Variants in FGR observed in about 807,000 individuals in gnomAD.
The protein encoded by FGR is tyrosine-protein kinase Fgr.
In FGR, 26 loss-of-function variants were observed where a neutral mutation model predicts 63.2. That is an observed-to-expected ratio of 0.41 (90% CI 0.30 to 0.57). The LOEUF (loss-of-function observed/expected upper bound fraction) is 0.57, where lower values mean the gene tolerates loss of function less well. Among genes scored for constraint, FGR ranks in the 20% least tolerant of loss-of-function variants. The pLI, the probability that FGR is intolerant of heterozygous loss-of-function variation, is 0.27. For missense variants in FGR, 511 were observed against 690.8 expected, an observed-to-expected ratio of 0.74 and a Z score of 2.92; for synonymous variants, 286 against 277.7, an observed-to-expected ratio of 1.03 and a Z score of -0.30.
At chr1:27,630,016 C>G (rs1334600524) in intron 1 of FGR, among the ~76,000 whole-genome samples, 1 of 152,158 alleles carries the variant, frequency 6.6e-6, no homozygotes, top group East Asian at 1.9e-4. Context: ...TGTGGCCCAA[C>G]ACATATTAGT....
At position 27,614,940 on chromosome 1, in the gene FGR, A is replaced by G. The variant is rs2089774989; in HGVS notation, c.1019-14T>C. On this transcript the variant is annotated splice_polypyrimidine_tract_variant and intron_variant, in intron 9 of 12. Coordinates refer to ENST00000374005, the MANE Select transcript of FGR (RefSeq NM_005248.3). The stretch of plus-strand genomic sequence containing the variant: ...CCAGCAAGCTGCCTGGGAAGAAGCC[A>G]GAAAGTCAGCGGCAAAGCCCTACCC... The G allele has an allele frequency of 6.3e-7, 1 of 1,589,780 alleles. No homozygotes were observed.
In FGR at chr1:27,617,110, C is replaced by T; in HGVS notation, c.532+83G>A. 1 of 1,599,668 alleles carries T rather than the reference C, an allele frequency of 6.3e-7. No individual in the cohort carries two copies. The highest frequency in any genetic ancestry group is 8.6e-7 in the Non-Finnish European group (1 of 1,168,988). The stretch of plus-strand genomic sequence containing the variant: ...CCTAGGACCTGGTCCCAGTCTTGGC[C>T]TTAACCCAAGCAGCCTACCGCTCCT... On this transcript the variant is annotated intron_variant, in intron 6 of 12. Transcript: ENST00000374005. This position sits in a 1 kb window ranked among gnomAD's most constrained non-coding sequence, Gnocchi z 4.5.
chr1:27,632,897 G>A (rs2090126410), intron 1 of FGR, among the ~76,000 whole-genome samples: 3 of 152,090 alleles, frequency 2.0e-5, no homozygotes, highest in Admixed American at 2.0e-4. Context: ...AGTCTGCTCT[G>A]CGTGGGAAGA....
chr1:27,629,383 A>G (rs1030126698), intron 1 of FGR, among the ~76,000 whole-genome samples: 7 of 152,302 alleles, frequency 4.6e-5, no homozygotes, highest in African/African-American at 1.7e-4. Flanking sequence ...TGGCTCCAGC[A>G]CACACTGCCA....
At chr1:27,629,836 C>G (rs1461126389) in intron 1 of FGR, among the ~76,000 whole-genome samples, 1 of 152,184 alleles carries the variant, frequency 6.6e-6, no homozygotes, top group African/African-American at 2.4e-5. Flanking sequence ...TGTTAAGTAA[C>G]TTGCCCAAGA....
At chr1:27,626,236 CAG>C in intron 1 of FGR, 1 of 398,698 alleles carries the variant, frequency 2.5e-6, no homozygotes. Flanking sequence ...TTGCAACACT[CAG>C]AGAGGAACCG....
chr1:27,623,947 C>A lies in FGR; in HGVS notation c.-13-18G>T. 1.3e-6 allele frequency: 2 copies of A among 1,553,902 alleles called. No homozygotes were observed. The highest frequency in any genetic ancestry group is 1.7e-6 in the Non-Finnish European group (2 of 1,146,724). ...GTTCCCTGCTACAGAATGGGGCATG[C>A]CTCACTCAAGGACCCCTGCCAGGTG... On this transcript the variant is annotated intron_variant, in intron 2 of 12. Transcript: ENST00000374005.
chr1:27,623,699 C>T lies in FGR; in HGVS notation c.218G>A (p.Gly73Asp), dbSNP rs772979438. The change falls in exon 3 of 13, where the codon GGT becomes GAT. Residue 73 changes from glycine (G) to aspartate (D), a missense_variant. By Grantham distance (94) the Gly-to-Asp change is moderately conservative. Coordinates refer to ENST00000374005, the MANE Select transcript of FGR (RefSeq NM_005248.3). Reference sequence around the variant, plus strand: ...CGACCCCTTGGACTCACCTGACACACCCCTGATGGTGCCACTATCAAGGAA... The same window carrying T: ...CGACCCCTTGGACTCACCTGACACATCCCTGATGGTGCCACTATCAAGGAA... ...PGFLDSGTIR[G>D]VSGIGVTLFI... The T allele has an allele frequency of 6.2e-7, 1 of 1,614,150 alleles. No individual in the cohort carries two copies. The highest frequency in any genetic ancestry group is 1.1e-5 in the South Asian group (1 of 91,074).
intron 3 of FGR, chr1:27,623,413 T>A (rs182277054): frequency 1.2e-5 from 7 of 595,944 alleles, no homozygotes; most frequent in Admixed American, 2.9e-5. Flanking sequence ...ATCTGGGAAG[T>A]GGCACCTAAA....
chr1:27,632,425 A>ACCGTG (rs546674470), intron 1 of FGR, among the ~76,000 whole-genome samples: 1 of 152,208 alleles, frequency 6.6e-6, no homozygotes, highest in African/African-American at 2.4e-5. Flanking sequence ...GGCGTGAGCC[A>ACCGTG]CCGTGCCCTG....
At position 27,617,760 on chromosome 1, in the gene FGR, C is replaced by T. The variant is rs1204626452; in HGVS notation, c.429-464G>A. ...TCAGATCCTTCTCCCACCTCCACCT[C>T]CAAACTCTTTCCTCCTTTGGCCTCC... On this transcript the variant is annotated intron_variant, in intron 5 of 12. Coordinates refer to ENST00000374005, the MANE Select transcript of FGR (RefSeq NM_005248.3). This position sits in a 1 kb window ranked among gnomAD's most constrained non-coding sequence, Gnocchi z 4.5. 6.6e-6 allele frequency among the ~76,000 whole-genome samples: 1 copy of T among 152,226 alleles called. No homozygotes were observed. The highest frequency in any genetic ancestry group is 1.5e-5 in the Non-Finnish European group (1 of 68,044).
intron 4 of FGR, among the ~76,000 whole-genome samples, chr1:27,622,594 C>T (rs947565981): frequency 6.6e-6 from 1 of 152,138 alleles, no homozygotes; most frequent in African/African-American, 2.4e-5. Context: ...CAACCTCTGC[C>T]TCCCGGGTTC....
At chr1:27,627,492 A>C (rs1220839466) in intron 1 of FGR, among the ~76,000 whole-genome samples, 4 of 151,586 alleles carry the variant, frequency 2.6e-5, no homozygotes, top group Non-Finnish European at 5.9e-5. Flanking sequence ...TCTATAAAAG[A>C]ATAGCAAATA....
At chr1:27,618,499 C>G (rs2089858547) in intron 5 of FGR, among the ~76,000 whole-genome samples, 1 of 152,140 alleles carries the variant, frequency 6.6e-6, no homozygotes, top group African/African-American at 2.4e-5. Context: ...CTACCCGTAA[C>G]CACAACACTG....
In FGR at chr1:27,613,208, GC is replaced by G; in HGVS notation, c.1381+10del. On this transcript the variant is annotated intron_variant, in intron 12 of 12. Transcript: ENST00000374005. ...ATCCCCCACCCCAGCCCTACCCCTGGCGAGGCAAACCTGGGTAGGGGATTCG... is the reference window on the plus strand; with the variant it reads ...ATCCCCCACCCCAGCCCTACCCCTGGGAGGCAAACCTGGGTAGGGGATTCG... 1 of 1,612,236 alleles carries G rather than the reference GC, an allele frequency of 6.2e-7. No homozygotes were observed. Among genetic ancestry groups the G allele is most frequent in the Middle Eastern group, 1.6e-4 (1 of 6,062 alleles).
At chr1:27,629,244 T>A (rs1168461555) in intron 1 of FGR, among the ~76,000 whole-genome samples, 2 of 152,124 alleles carry the variant, frequency 1.3e-5, no homozygotes, top group Non-Finnish European at 2.9e-5. Context: ...AAGCCCTGAT[T>A]TGTCACATTT....
intron 10 of FGR, 24 bp downstream of exon 10, chr1:27,614,826 G>T (rs2089771083): frequency 6.4e-7 from 1 of 1,568,538 alleles, no homozygotes; most frequent in African/African-American, 1.4e-5. Flanking sequence ...AGGTCCGGGA[G>T]GTAAAGGCTG....
At chr1:27,628,020 C>A (rs2090048592) in intron 1 of FGR, among the ~76,000 whole-genome samples, 1 of 151,910 alleles carries the variant, frequency 6.6e-6, no homozygotes, top group Non-Finnish European at 1.5e-5. Context: ...TTTGGGAAGC[C>A]AAGGCAAGAG....
At chr1:27,621,787 G>A in intron 4 of FGR, 130 bp from the exon 5 acceptor site, 1 of 684,512 alleles carries the variant, frequency 1.5e-6, no homozygotes, top group Non-Finnish European at 2.7e-6. Context: ...CCCCACCACT[G>A]GGGCTTTTGT....
Sources: allele counts gnomAD v4.1 joint callset (sites outside exome capture counted in the v4.1 genomes callset), GRCh38; gene constraint gnomAD v4.1.1; non-coding constraint Gnocchi (gnomAD v3.1); transcripts MANE v1.5; gene names NCBI Gene and HGNC (gene_info 2026-07-23, HGNC 2026-07-21).